Variants in EYA1 observed in about 807,000 individuals in gnomAD.
EYA1 encodes the protein EYA transcriptional coactivator and phosphatase 1, also known as protein phosphatase EYA1.
EYA1 carries 16 observed loss-of-function variants against 82.0 expected under a neutral mutation model. The observed-to-expected ratio is 0.20, with a 90% confidence interval of 0.13 to 0.30. The LOEUF (loss-of-function observed/expected upper bound fraction) is 0.30. EYA1 is among the 10% of genes least tolerant of loss of function. The pLI is 1.00. For synonymous variants in EYA1, 261 were observed against 264.4 expected, an observed-to-expected ratio of 0.99 and a Z score of 0.12; for missense variants, 633 against 730.7, an observed-to-expected ratio of 0.87 and a Z score of 1.54.
chr8:71,415,642 C>T (rs560770703), intron 2 of EYA1, among the ~76,000 whole-genome samples: 1 of 152,202 alleles, frequency 6.6e-6, no homozygotes, highest in Non-Finnish European at 1.5e-5. Flanking sequence ...CAAAGTTCTA[C>T]CTGGCCTGGT....
intron 12 of EYA1, among the ~76,000 whole-genome samples, chr8:71,221,878 C>T (rs911306291): frequency 6.6e-6 from 1 of 152,154 alleles, no homozygotes; most frequent in African/African-American, 2.4e-5. Flanking sequence ...CTCAGATAGA[C>T]ATGCGTGCAG....
intron 2 of EYA1, among the ~76,000 whole-genome samples, chr8:71,401,036 A>G (rs1829929617): frequency 6.6e-6 from 1 of 152,226 alleles, no homozygotes; most frequent in South Asian, 2.1e-4. Flanking sequence ...TAACGCAGGA[A>G]CAGAAAACCA....
Position 71,334,739 on chromosome 8 carries a change from TC to T in EYA1, c.125-566del, listed in dbSNP as rs537839466. 2.8e-4 allele frequency among the ~76,000 whole-genome samples: 42 copies of T among 152,322 alleles called. No homozygotes were observed. The East Asian group carries it at 8.1e-3, about 29-fold the overall frequency. On this transcript the variant is annotated intron_variant, in intron 3 of 17. Coordinates refer to ENST00000340726, the MANE Select transcript of EYA1 (RefSeq NM_000503.6). ...CACCCAGCCATATCTGACTGCCAATTCACCAATATTTTATGTATGCTTCGTA... is the reference window on the plus strand; with the variant it reads ...CACCCAGCCATATCTGACTGCCAATTACCAATATTTTATGTATGCTTCGTA...
At chr8:71,310,026 G>A (rs959165113) in intron 7 of EYA1, among the ~76,000 whole-genome samples, 2 of 152,164 alleles carry the variant, frequency 1.3e-5, no homozygotes, top group African/African-American at 4.8e-5. Context: ...CATCTGTGCA[G>A]CCCCTTCGAT....
intron 2 of EYA1, among the ~76,000 whole-genome samples, chr8:71,491,253 T>C (rs1355386055): frequency 1.2e-4 from 19 of 152,020 alleles, no homozygotes; most frequent in Admixed American, 1.2e-3. Flanking sequence ...TTTATTTTTT[T>C]AAAAAAAGCA....
At chr8:71,222,032 A>G (rs964164657) in intron 12 of EYA1, among the ~76,000 whole-genome samples, 16 of 152,214 alleles carry the variant, frequency 1.1e-4, no homozygotes, top group African/African-American at 3.6e-4. Context: ...CACTTGACCA[A>G]GATGCCTGCT....
intron 7 of EYA1, among the ~76,000 whole-genome samples, chr8:71,316,802 G>A (rs1041046119): frequency 6.6e-6 from 1 of 152,170 alleles, no homozygotes; most frequent in African/African-American, 2.4e-5. Context: ...GTAAAGACAA[G>A]ATATTAGGAA....
intron 2 of EYA1, chr8:71,449,150 GA>G (rs1387916581): frequency 1.8e-5 from 3 of 165,814 alleles, no homozygotes; most frequent in Admixed American, 6.4e-5. Flanking sequence ...TCCTAGCTGG[GA>G]AAAAACTCCA....
chr8:71,432,206 A>C lies in EYA1; in HGVS notation c.34-75695T>G, dbSNP rs1018029204. ...TGTTCTGTTTTGCTTATTTGTATGC[A>C]TAGAACCTAGAGCAATGCTCTACAC... On this transcript the variant is annotated intron_variant, in intron 2 of 18. Transcript: ENST00000643681. 1.1e-3 allele frequency among the ~76,000 whole-genome samples: 160 copies of C among 152,304 alleles called. 1 individual carries two copies. The highest frequency in any genetic ancestry group is 3.5e-3 in the African/African-American group (145 of 41,574).
chr8:71,234,039 C>T (rs1009201744), intron 12 of EYA1, among the ~76,000 whole-genome samples: 2 of 152,074 alleles, frequency 1.3e-5, no homozygotes, highest in East Asian at 1.9e-4. Flanking sequence ...TAGCAAGAAC[C>T]AGCTCCTTTG....
rs559895568 is a variant in EYA1 at position 71,492,655 on chromosome 8, T to C, written c.33+43089A>G. The stretch of plus-strand genomic sequence containing the variant: ...AATTTTTTTGTATTTTTAGTAGAGA[T>C]GGGGTTTCACTGTGTTAGCCAGGAT... On this transcript the variant is annotated intron_variant, in intron 2 of 18. Coordinates refer to the EYA1 transcript ENST00000643681. Among the ~76,000 whole-genome samples, 149 of 152,034 alleles carry C rather than the reference T, an allele frequency of 9.8e-4. 1 individual carries two copies. The highest frequency in any genetic ancestry group is 2.3e-3 in the South Asian group (11 of 4,802).
intron 9 of EYA1, among the ~76,000 whole-genome samples, chr8:71,290,407 A>G (rs1408238119): frequency 1.3e-5 from 2 of 152,210 alleles, no homozygotes; most frequent in Non-Finnish European, 2.9e-5. Context: ...CAAATAATGA[A>G]TCAATTAGTT....
upstream of EYA1, chr8:71,362,324 AT>A: frequency 2.0e-6 from 1 of 493,122 alleles, no homozygotes; most frequent in Non-Finnish European, 2.6e-6. Context: ...GCCCCACGCT[AT>A]CTGAATAAAC....
At chr8:71,427,377 G>A (rs1277312023) in intron 2 of EYA1, among the ~76,000 whole-genome samples, 1 of 152,058 alleles carries the variant, frequency 6.6e-6, no homozygotes, top group Non-Finnish European at 1.5e-5. Flanking sequence ...CCTTTTAAAT[G>A]ATAACAATTA....
At chr8:71,490,825 C>T (rs1810937192) in intron 2 of EYA1, among the ~76,000 whole-genome samples, 1 of 152,168 alleles carries the variant, frequency 6.6e-6, no homozygotes, top group African/African-American at 2.4e-5. Flanking sequence ...CATGTTAAAA[C>T]TTCAAGATTT....
chr8:71,202,736 C>T (rs1311765186), intron 17 of EYA1, among the ~76,000 whole-genome samples: 1 of 152,176 alleles, frequency 6.6e-6, no homozygotes, highest in African/African-American at 2.4e-5. Flanking sequence ...ACTCTATCCT[C>T]TGCATTCTTT....
At chr8:71,456,135 C>G (rs1041370997) in intron 2 of EYA1, among the ~76,000 whole-genome samples, 14 of 152,162 alleles carry the variant, frequency 9.2e-5, no homozygotes, top group Non-Finnish European at 7.3e-5. Flanking sequence ...AGAGCCAAAT[C>G]ATGAGTGAAC....
intron 12 of EYA1, among the ~76,000 whole-genome samples, chr8:71,230,541 C>T (rs1053968998): frequency 6.6e-6 from 1 of 152,196 alleles, no homozygotes; most frequent in African/African-American, 2.4e-5. Context: ...CTACCTGTCA[C>T]CCTCTCTGAA....
chr8:71,464,487 T>C (rs568577155), intron 2 of EYA1, among the ~76,000 whole-genome samples: 1 of 152,366 alleles, frequency 6.6e-6, no homozygotes, highest in African/African-American at 2.4e-5. Flanking sequence ...TAAAGGGCAC[T>C]ACTGAGCCAA....
Sources: gnomAD v4.1 joint callset for allele counts (sites outside exome capture counted in the v4.1 genomes callset) on GRCh38, gnomAD v4.1.1 for gene constraint, MANE v1.5 for transcripts, NCBI Gene and HGNC (gene_info 2026-07-23, HGNC 2026-07-21) for gene names.